Variants in ABLIM1 observed in about 807,000 individuals in gnomAD.
ABLIM1 encodes actin binding LIM protein 1, also known as actin-binding LIM protein 1.
A neutral mutation model predicts 107.0 loss-of-function variants in ABLIM1; 40 were observed. That is an observed-to-expected ratio of 0.37 (90% CI 0.29 to 0.49). ABLIM1 has a LOEUF of 0.49. Among genes scored for constraint, ABLIM1 ranks in the 20% least tolerant of loss-of-function variants. The pLI, the probability that ABLIM1 is intolerant of heterozygous loss-of-function variation, is 0.97. For missense variants in ABLIM1, 857 were observed against 1,008.5 expected, an observed-to-expected ratio of 0.85 and a Z score of 2.04; for synonymous variants, 357 against 357.3, an observed-to-expected ratio of 1.00 and a Z score of 0.01.
chr10:114,441,970 G>A (rs1171477001), intron 17 of ABLIM1, among the ~76,000 whole-genome samples, 184 bp from the exon 18 acceptor site: 1 of 152,152 alleles, frequency 6.6e-6, no homozygotes, highest in African/African-American at 2.4e-5. Context: ...TGATATGACT[G>A]AGGAGGGAAG....
intron 1 of ABLIM1, among the ~76,000 whole-genome samples, chr10:114,711,007 T>C (rs2081536498): frequency 6.6e-6 from 1 of 152,208 alleles, no homozygotes; most frequent in African/African-American, 2.4e-5. Flanking sequence ...CCGGTTTATA[T>C]GTGGGCCTAA....
intron 10 of ABLIM1, among the ~76,000 whole-genome samples, chr10:114,471,835 G>A (rs955045925): frequency 1.3e-5 from 2 of 152,056 alleles, no homozygotes; most frequent in Non-Finnish European, 2.9e-5. Context: ...TTGAATAGCT[G>A]ATTTGTCAGC....
chr10:114,684,406 A>G, exon 1 of ABLIM1: 1 of 1,612,598 alleles, frequency 6.2e-7, no homozygotes, highest in Non-Finnish European at 8.5e-7. Context: ...GGCACACAGA[A>G]AGGCTGCAAC....
chr10:114,736,467 T>G (rs1341600120), intron 1 of ABLIM1, among the ~76,000 whole-genome samples: 2 of 152,104 alleles, frequency 1.3e-5, no homozygotes, highest in Admixed American at 1.3e-4. Context: ...TAAAAAGCAA[T>G]AAAAGCAATG....
chr10:114,610,875 C>T (rs895012867), intron 1 of ABLIM1, among the ~76,000 whole-genome samples: 8 of 152,126 alleles, frequency 5.3e-5, no homozygotes, highest in Non-Finnish European at 7.3e-5. Context: ...TGATACTGGC[C>T]GGGTGCGGTG....
intron 2 of ABLIM1, among the ~76,000 whole-genome samples, chr10:114,578,889 C>T (rs138217004): frequency 0.011 from 1,656 of 147,194 alleles, 26 homozygotes; most frequent in African/African-American, 0.039. Context: ...TGGGTTCAAG[C>T]GATTCTCCTG....
rs1243840929 is a variant in ABLIM1, at chr10:114,657,951, AC to A, written c.244+5del. 7 of 1,604,528 alleles carry A rather than the reference AC, an allele frequency of 4.4e-6. No individual in the cohort carries two copies. Among genetic ancestry groups the A allele is most frequent in the Non-Finnish European group, 6.0e-6 (7 of 1,172,658 alleles). ...AACCATGTCCAGAGAGGGTTATTTT[AC>A]TTACCAAAAGGATCAACGCTGTTAC... is the stretch of plus-strand genomic sequence containing the variant. On this transcript the variant is annotated splice_donor_5th_base_variant and intron_variant, in intron 1 of 22. Coordinates refer to ENST00000533213, the MANE Select transcript of ABLIM1 (RefSeq NM_002313.7).
intron 1 of ABLIM1, among the ~76,000 whole-genome samples, chr10:114,674,501 GC>G (rs1271688362): frequency 6.6e-6 from 1 of 152,254 alleles, no homozygotes; most frequent in South Asian, 2.1e-4. Context: ...TCAAGCTCTG[GC>G]TCCGCTATTT....
chr10:114,759,650 G>A (rs114634915), intron 1 of ABLIM1, among the ~76,000 whole-genome samples: 1,803 of 152,284 alleles, frequency 0.012, 29 homozygotes, highest in African/African-American at 0.034. Flanking sequence ...GAAATAGGCA[G>A]CCTAAGATTT....
At chr10:114,703,154 C>A (rs75973332) in intron 1 of ABLIM1, among the ~76,000 whole-genome samples, 2 of 152,154 alleles carry the variant, frequency 1.3e-5, no homozygotes, top group African/African-American at 4.8e-5. Flanking sequence ...AGTTTTACAG[C>A]CTTAGACATA....
At chr10:114,719,348 G>A (rs1026906729) in intron 1 of ABLIM1, among the ~76,000 whole-genome samples, 2 of 152,212 alleles carry the variant, frequency 1.3e-5, no homozygotes, top group African/African-American at 2.4e-5. Flanking sequence ...GCCCTGAGAA[G>A]GAGGATCTCT....
intron 6 of ABLIM1, among the ~76,000 whole-genome samples, chr10:114,529,251 A>G (rs2065199443): frequency 6.6e-6 from 1 of 151,838 alleles, no homozygotes; most frequent in East Asian, 1.9e-4. Flanking sequence ...CAGCCTCCCA[A>G]GTAGCTGGGA....
intron 4 of ABLIM1, among the ~76,000 whole-genome samples, chr10:114,567,956 C>T (rs891816266): frequency 2.7e-5 from 4 of 150,936 alleles, no homozygotes; most frequent in Non-Finnish European, 4.4e-5. Context: ...TTTGGGAGGC[C>T]GAGGCGGGTG....
In ABLIM1 at chr10:114,671,027, C is replaced by G. The variant is rs548989230; in HGVS notation, c.64+13263G>C. Among the ~76,000 whole-genome samples the G allele has an allele frequency of 6.6e-5, 10 of 152,334 alleles. No homozygotes were observed. In the East Asian group the frequency reaches 1.9e-3, roughly 29 times the overall value. ...ACAACTGTATAACCACTTCCCAAGTCAGATCAAGATCTAGAACATACCTAA... is the reference window on the plus strand; with the variant it reads ...ACAACTGTATAACCACTTCCCAAGTGAGATCAAGATCTAGAACATACCTAA... On this transcript the variant is annotated intron_variant, in intron 1 of 23. Coordinates refer to the ABLIM1 transcript ENST00000369256.
chr10:114,542,368 C>T (rs896968355), intron 6 of ABLIM1, among the ~76,000 whole-genome samples: 5 of 146,516 alleles, frequency 3.4e-5, no homozygotes, highest in African/African-American at 1.3e-4. Context: ...TATGATTGTA[C>T]CACTGCACTC....
rs200655611 is a variant in ABLIM1, at chr10:114,658,037, G to C, written c.164C>G (p.Ala55Gly). 1.1e-4 allele frequency: 175 copies of C among 1,614,052 alleles called. No individual in the cohort carries two copies. Among genetic ancestry groups the C allele is most frequent in the Non-Finnish European group, 1.3e-4 (157 of 1,180,026 alleles). ...SGTSFTAHRR[A>G]TITHLLYLCP... ...GAGATACAGCAAATGAGTGATAGTG[G>C]CACGCCTATGAGCGGTGAAGGAGGT... Residue 55 changes from alanine (A) to glycine (G), a missense_variant, in exon 1 of 23, where the codon GCC becomes GGC. Physicochemically the swap from Ala to Gly is moderately conservative, Grantham distance 60. Coordinates refer to ENST00000533213, the MANE Select transcript of ABLIM1 (RefSeq NM_002313.7).
intron 1 of ABLIM1, chr10:114,631,836 T>C (rs1382396591): frequency 2.3e-6 from 3 of 1,293,190 alleles, no homozygotes; most frequent in Non-Finnish European, 3.0e-6. Context: ...CCCCGTTAGG[T>C]GGCCGAGCCC....
chr10:114,703,643 A>C (rs563829378), intron 1 of ABLIM1, among the ~76,000 whole-genome samples: 1 of 152,390 alleles, frequency 6.6e-6, no homozygotes, highest in South Asian at 2.1e-4. Flanking sequence ...TCAGGAGGTC[A>C]GCATTCAGTC....
chr10:114,525,971 G>A (rs752299093), intron 6 of ABLIM1, among the ~76,000 whole-genome samples: 20 of 151,916 alleles, frequency 1.3e-4, no homozygotes, highest in East Asian at 1.9e-4. Context: ...AGTATGATTC[G>A]ATTAATAACT....
Sources: gnomAD v4.1 joint callset for allele counts (sites outside exome capture counted in the v4.1 genomes callset) on GRCh38, gnomAD v4.1.1 for gene constraint, MANE v1.5 for transcripts, NCBI Gene and HGNC (gene_info 2026-07-23, HGNC 2026-07-21) for gene names.